The following FILIP1L variants were observed in gnomAD, a reference collection of about 807,000 sequenced individuals.
The protein encoded by FILIP1L is filamin A-interacting protein 1-like.
Under a neutral mutation model 96.6 loss-of-function variants are expected in FILIP1L, and 55 were observed. The observed-to-expected ratio is 0.57, with a 90% confidence interval of 0.46 to 0.71. The LOEUF is 0.71. Among genes scored for constraint, FILIP1L ranks in the 30% least tolerant of loss-of-function variants. The pLI is 0.00. For synonymous variants in FILIP1L, 467 were observed against 473.9 expected, an observed-to-expected ratio of 0.99 and a Z score of 0.19; for missense variants, 1,304 against 1,321.2, an observed-to-expected ratio of 0.99 and a Z score of 0.20.
At chr3:99,955,016 C>T (rs1708279576) in intron 1 of FILIP1L, among the ~76,000 whole-genome samples, 1 of 152,144 alleles carries the variant, frequency 6.6e-6, no homozygotes, top group Non-Finnish European at 1.5e-5. Flanking sequence ...TACAAAGATT[C>T]CATTATATAA....
At chr3:100,008,400 A>T (rs778550859) in intron 1 of FILIP1L, among the ~76,000 whole-genome samples, 1 of 152,218 alleles carries the variant, frequency 6.6e-6, no homozygotes, top group Non-Finnish European at 1.5e-5. Flanking sequence ...CAAGATTTTC[A>T]TATGAGTTGC....
chr3:100,101,062 C>T (rs2066296609), intron 1 of FILIP1L, among the ~76,000 whole-genome samples: 1 of 152,112 alleles, frequency 6.6e-6, no homozygotes, highest in African/African-American at 2.4e-5. Flanking sequence ...ACCTTGACCA[C>T]TTTTGTACCT....
intron 1 of FILIP1L, among the ~76,000 whole-genome samples, chr3:99,953,958 T>C (rs1206307846): frequency 6.6e-6 from 1 of 152,238 alleles, no homozygotes; most frequent in Non-Finnish European, 1.5e-5. Context: ...TGTAAGTCTC[T>C]TAAAGCTCCC....
At chr3:99,922,404 A>C (rs1707152518) in intron 4 of FILIP1L, among the ~76,000 whole-genome samples, 1 of 152,180 alleles carries the variant, frequency 6.6e-6, no homozygotes, top group African/African-American at 2.4e-5. Context: ...TTCAGAGTTC[A>C]TGAGGAGCAA....
intron 1 of FILIP1L, among the ~76,000 whole-genome samples, chr3:100,039,025 A>G (rs887164721): frequency 1.4e-4 from 21 of 152,204 alleles, no homozygotes; most frequent in African/African-American, 4.8e-4. Flanking sequence ...GGAGACAATA[A>G]TTTTGCATTA....
intron 1 of FILIP1L, among the ~76,000 whole-genome samples, chr3:100,065,421 C>T (rs1225908908): frequency 2.0e-5 from 3 of 152,268 alleles, no homozygotes; most frequent in African/African-American, 7.2e-5. Context: ...CTAAAATCAT[C>T]CTGCTAACAT....
chr3:99,896,255 C>G (rs1288586322), intron 4 of FILIP1L, among the ~76,000 whole-genome samples: 1 of 152,076 alleles, frequency 6.6e-6, no homozygotes, highest in Non-Finnish European at 1.5e-5. Context: ...ATGTTTGAAA[C>G]AGTGAATGGA....
chr3:99,967,201 C>T (rs533075687), intron 1 of FILIP1L, among the ~76,000 whole-genome samples: 1 of 152,104 alleles, frequency 6.6e-6, no homozygotes, highest in Non-Finnish European at 1.5e-5. Context: ...GCTCTTAGCC[C>T]CACCTCTGAC....
At chr3:100,032,610 A>G (rs1013498998) in intron 1 of FILIP1L, among the ~76,000 whole-genome samples, 4 of 152,170 alleles carry the variant, frequency 2.6e-5, no homozygotes, top group African/African-American at 9.6e-5. Flanking sequence ...AAAAATCTCT[A>G]TTTTTTGACA....
At position 100,109,532 on chromosome 3, in the gene FILIP1L, A is replaced by G. The variant is rs574511693; in HGVS notation, c.-11+4521T>C. On this transcript the variant is annotated intron_variant, in intron 1 of 5. Coordinates refer to ENST00000477258, the MANE Select transcript of FILIP1L (RefSeq NM_001387850.1). The stretch of plus-strand genomic sequence containing the variant: ...AACCACTGATGTGTTTTCTGTCCCT[A>G]TAGTTTTTGGGGGTTTTTTCCCACA... 3.9e-5 allele frequency among the ~76,000 whole-genome samples: 6 copies of G among 152,000 alleles called. No homozygotes were observed. In the South Asian group the frequency reaches 6.2e-4, roughly 16 times the overall value.
chr3:100,038,213 C>T lies in FILIP1L; in HGVS notation c.-11+75840G>A, dbSNP rs1575973592. 2.0e-5 allele frequency among the ~76,000 whole-genome samples: 3 copies of T among 152,260 alleles called. No individual in the cohort carries two copies. The South Asian group carries it at 6.2e-4, about 32-fold the overall frequency. ...TCAGGTGATCCAGCTGCCCTGGCCT[C>T]CCAAAGTGCTGTGATTACAGGCGTG... On this transcript the variant is annotated intron_variant, in intron 1 of 5. Transcript: ENST00000477258.
At chr3:99,856,303 T>A (rs1943963076) in intron 4 of FILIP1L, among the ~76,000 whole-genome samples, 1 of 152,248 alleles carries the variant, frequency 6.6e-6, no homozygotes, top group Non-Finnish European at 1.5e-5. Context: ...ACAAAGAGTA[T>A]AGGTATGAAT....
At chr3:99,877,310 C>T in intron 4 of FILIP1L, among the ~76,000 whole-genome samples, 1 of 152,092 alleles carries the variant, frequency 6.6e-6, no homozygotes, top group East Asian at 1.9e-4. Flanking sequence ...TTATTGTTTC[C>T]ATATGTTTTG....
At chr3:100,091,284 CAAA>C (rs570908389) in intron 1 of FILIP1L, among the ~76,000 whole-genome samples, 7 of 59,086 alleles carry the variant, frequency 1.2e-4, no homozygotes, top group Admixed American at 3.4e-4. Flanking sequence ...GACTCCGTCT[CAAA>C]AAAAAAAAAA....
intron 1 of FILIP1L, among the ~76,000 whole-genome samples, chr3:100,034,252 A>G (rs2065069813): frequency 2.0e-5 from 3 of 152,094 alleles, no homozygotes; most frequent in African/African-American, 7.2e-5. Context: ...GAATGGGGGG[A>G]AAAAGCTGCA....
chr3:100,062,789 C>T (rs533754899), intron 1 of FILIP1L, among the ~76,000 whole-genome samples: 2 of 152,276 alleles, frequency 1.3e-5, no homozygotes, highest in Admixed American at 1.3e-4. Flanking sequence ...CAGCATTCGC[C>T]CTACACCTGT....
intron 4 of FILIP1L, among the ~76,000 whole-genome samples, chr3:99,878,169 A>G (rs959152907): frequency 2.0e-5 from 3 of 152,140 alleles, no homozygotes; most frequent in Non-Finnish European, 4.4e-5. Flanking sequence ...CAGTCTCTTG[A>G]CCCAGCTATG....
intron 1 of FILIP1L, among the ~76,000 whole-genome samples, chr3:100,071,453 T>TA (rs2065761849): frequency 6.6e-6 from 1 of 152,168 alleles, no homozygotes; most frequent in South Asian, 2.1e-4. Flanking sequence ...TCAAAGTAGA[T>TA]ACTGTTTCCT....
chr3:99,906,511 A>G (rs1253313638), intron 4 of FILIP1L, among the ~76,000 whole-genome samples: 2 of 152,222 alleles, frequency 1.3e-5, no homozygotes, highest in African/African-American at 2.4e-5. Flanking sequence ...TTTGATTAAC[A>G]TAACTTATTT....
Sources: allele counts gnomAD v4.1 joint callset (sites outside exome capture counted in the v4.1 genomes callset), GRCh38; gene constraint gnomAD v4.1.1; transcripts MANE v1.5; gene names NCBI Gene and HGNC (gene_info 2026-07-23, HGNC 2026-07-21).